The following RELN variants were observed in gnomAD, a reference collection of about 807,000 sequenced individuals.
The protein encoded by RELN is reelin.
RELN carries 108 observed loss-of-function variants against 427.6 expected under a neutral mutation model. The ratio of observed to expected loss-of-function variants is 0.25; its 90% CI spans 0.22 to 0.30. The LOEUF (loss-of-function observed/expected upper bound fraction) is 0.30. Ranked by LOEUF, RELN falls within the 10% of genes least tolerant of loss-of-function variation. RELN has a pLI of 1.00. For missense variants in RELN, 3,715 were observed against 4,302.8 expected (o/e 0.86, Z 3.82); for synonymous variants, 1,524 against 1,513.4 (o/e 1.01, Z -0.16).
intron 20 of RELN, among the ~76,000 whole-genome samples, chr7:103,615,117 T>C (rs181578195): frequency 1.3e-5 from 2 of 152,258 alleles, no homozygotes; most frequent in Admixed American, 1.3e-4. Flanking sequence ...AGAGAAGGCA[T>C]TGGGAATCAG....
At chr7:103,713,516 C>T (rs1789857276) in intron 8 of RELN, among the ~76,000 whole-genome samples, 1 of 152,138 alleles carries the variant, frequency 6.6e-6, no homozygotes, top group South Asian at 2.1e-4. Flanking sequence ...GAAGCTGTTA[C>T]TCTCAGGGGA....
At chr7:103,697,182 G>A (rs1408777558) in intron 10 of RELN, among the ~76,000 whole-genome samples, 1 of 152,034 alleles carries the variant, frequency 6.6e-6, no homozygotes, top group East Asian at 1.9e-4. Context: ...GTGCTCTCTG[G>A]GGTGTCTGTA....
rs759880105 is a variant in RELN at position 103,575,656 on chromosome 7, G to A, written c.4195C>T (p.Pro1399Ser). Reference protein sequence around the residue: ...IQESSSQKNVPPFGLDGVYIS... With the variant: ...IQESSSQKNVSPFGLDGVYIS... Reference sequence around the variant, plus strand: ...TACACTCCATCTAAACCAAATGGAGGCACGTTTTTCTGTGAGCTGCTCTCC... The same window carrying A: ...TACACTCCATCTAAACCAAATGGAGACACGTTTTTCTGTGAGCTGCTCTCC... The change falls in exon 29 of 65, where the codon CCT becomes TCT. Residue 1399 changes from proline (P) to serine (S), a missense_variant. Physicochemically the swap from Pro to Ser is moderately conservative, Grantham distance 74. Coordinates refer to ENST00000428762, the MANE Select transcript of RELN (RefSeq NM_005045.4). 3.7e-6 allele frequency: 6 copies of A among 1,613,954 alleles called. No homozygotes were observed. The highest frequency in any genetic ancestry group is 5.1e-6 in the Non-Finnish European group (6 of 1,179,962).
chr7:103,631,165 G>T (rs1476953612), intron 19 of RELN, among the ~76,000 whole-genome samples: 1 of 151,186 alleles, frequency 6.6e-6, no homozygotes, highest in African/African-American at 2.4e-5. Context: ...TATACAAACA[G>T]TACAGAACTG....
At chr7:103,919,076 C>A (rs1471560091) in intron 1 of RELN, among the ~76,000 whole-genome samples, 1 of 150,790 alleles carries the variant, frequency 6.6e-6, no homozygotes, top group Non-Finnish European at 1.5e-5. Context: ...AATAAGCATT[C>A]CTTTTCCTCG....
chr7:103,608,839 G>A (rs1444810488), intron 22 of RELN, among the ~76,000 whole-genome samples: 1 of 152,142 alleles, frequency 6.6e-6, no homozygotes, highest in Non-Finnish European at 1.5e-5. Context: ...AGGCTTTTCT[G>A]ATAAGGACAA....
rs1279589989 is a variant in RELN at position 103,515,330 on chromosome 7, G to A, written c.7974C>T (p.Val2658=). ...LDQNDWAIDN[V]LISGSADQRT... Reference sequence around the variant, plus strand: ...TTTGGTCAGCAGAGCCTGAGATGAGGACATTGTCAATGGCCCAGTCGTTCT... The same window carrying A: ...TTTGGTCAGCAGAGCCTGAGATGAGAACATTGTCAATGGCCCAGTCGTTCT... The change falls in exon 50 of 65, where the codon GTC becomes GTT. Residue 2658 remains valine (V), a synonymous_variant. Coordinates refer to ENST00000428762, the MANE Select transcript of RELN (RefSeq NM_005045.4). The A allele has an allele frequency of 3.7e-6, 6 of 1,614,100 alleles. No individual in the cohort carries two copies. In the East Asian group the frequency reaches 8.9e-5, roughly 24 times the overall value.
At chr7:103,792,387 C>T (rs1442802180) in intron 3 of RELN, among the ~76,000 whole-genome samples, 2 of 151,980 alleles carry the variant, frequency 1.3e-5, no homozygotes, top group Admixed American at 6.6e-5. Flanking sequence ...ATTATTCAAC[C>T]ATAAATGGAA....
At chr7:103,755,464 C>T (rs1043193541) in intron 4 of RELN, among the ~76,000 whole-genome samples, 110 of 151,928 alleles carry the variant, frequency 7.2e-4, no homozygotes, top group Non-Finnish European at 1.2e-3. Context: ...AAAAATTAGC[C>T]GGGCGTGGTG....
intron 1 of RELN, among the ~76,000 whole-genome samples, chr7:103,936,335 T>A (rs919053700): frequency 6.6e-6 from 1 of 152,068 alleles, no homozygotes; most frequent in Non-Finnish European, 1.5e-5. Flanking sequence ...TCAAGTGATC[T>A]GCCTGTCTCA....
At chr7:103,930,433 C>T (rs138451591) in intron 1 of RELN, among the ~76,000 whole-genome samples, 1,005 of 74,586 alleles carry the variant, frequency 0.013, 12 homozygotes, top group African/African-American at 0.047. Flanking sequence ...TGGCGGGGGA[C>T]GGGTGGGGGG....
intron 2 of RELN, among the ~76,000 whole-genome samples, chr7:103,909,177 T>C (rs1338858787): frequency 6.6e-6 from 1 of 152,166 alleles, no homozygotes; most frequent in Non-Finnish European, 1.5e-5. Context: ...GCATTCATAA[T>C]ATACATCTCA....
At chr7:103,496,091 G>A (rs888316631) in intron 56 of RELN, among the ~76,000 whole-genome samples, 193 bp from the exon 57 acceptor site, 4 of 152,060 alleles carry the variant, frequency 2.6e-5, no homozygotes, top group Admixed American at 1.3e-4. Flanking sequence ...TAAATCCAAC[G>A]TGAGAAATCA....
chr7:103,771,577 G>A (rs961650744), intron 4 of RELN, among the ~76,000 whole-genome samples: 6 of 152,174 alleles, frequency 3.9e-5, no homozygotes, highest in Non-Finnish European at 7.3e-5. Flanking sequence ...ACATGTGGTA[G>A]TGCAATTGAT....
At chr7:103,914,472 C>A (rs1795439068) in intron 2 of RELN, among the ~76,000 whole-genome samples, 1 of 151,820 alleles carries the variant, frequency 6.6e-6, no homozygotes, top group Admixed American at 6.6e-5. Context: ...TTTTTTGCTC[C>A]CCCTATAGGA....
At chr7:103,940,413 T>C (rs1431389702) in intron 1 of RELN, among the ~76,000 whole-genome samples, 2 of 152,246 alleles carry the variant, frequency 1.3e-5, no homozygotes, top group African/African-American at 4.8e-5. Context: ...AGATTTGTTA[T>C]TACAACCTTA....
intron 14 of RELN, 50 bp downstream of exon 14, chr7:103,652,501 T>C: frequency 6.8e-7 from 1 of 1,472,732 alleles, no homozygotes. Context: ...AATAGCCAAA[T>C]CTGCAAACTC....
intron 2 of RELN, among the ~76,000 whole-genome samples, chr7:103,909,650 AT>A (rs1339835169): frequency 8.6e-6 from 1 of 116,192 alleles, no homozygotes; most frequent in Non-Finnish European, 1.6e-5. Flanking sequence ...AAATATATAT[AT>A]TTAATATATA....
intron 1 of RELN, among the ~76,000 whole-genome samples, chr7:103,949,197 T>C (rs547769915): frequency 5.9e-5 from 9 of 151,992 alleles, no homozygotes; most frequent in African/African-American, 2.2e-4. Flanking sequence ...AAATCTAGAA[T>C]GGAGAGTATT....
Sources: gnomAD v4.1 joint callset for allele counts (sites outside exome capture counted in the v4.1 genomes callset) on GRCh38, gnomAD v4.1.1 for gene constraint, MANE v1.5 for transcripts, NCBI Gene and HGNC (gene_info 2026-07-23, HGNC 2026-07-21) for gene names.